Variants in ZNF746 observed in about 807,000 individuals in gnomAD.
ZNF746 encodes the protein zinc finger protein 746, also known as parkin-interacting substrate.
A neutral mutation model predicts 41.0 loss-of-function variants in ZNF746; 13 were observed. The ratio of observed to expected loss-of-function variants is 0.32; its 90% CI spans 0.21 to 0.50. The LOEUF (loss-of-function observed/expected upper bound fraction) is 0.50. ZNF746 is among the 20% of genes least tolerant of loss of function. The pLI, the probability that ZNF746 is intolerant of heterozygous loss-of-function variation, is 0.98. For missense variants in ZNF746, 811 were observed against 922.9 expected (o/e 0.88, Z 1.57); for synonymous variants, 424 against 396.2 (o/e 1.07, Z -0.83).
intron 4 of ZNF746, among the ~76,000 whole-genome samples, chr7:149,478,300 C>A (rs1585723649): frequency 6.6e-6 from 1 of 152,242 alleles, no homozygotes; most frequent in East Asian, 1.9e-4. Flanking sequence ...TGTGGCCGAG[C>A]CGCCTGCCTG....
At chr7:149,476,525 T>C (rs535816731) in intron 6 of ZNF746, among the ~76,000 whole-genome samples, 1 of 152,284 alleles carries the variant, frequency 6.6e-6, no homozygotes, top group East Asian at 1.9e-4. Context: ...GTGGTTCTTC[T>C]GAAATCGGCC....
Position 149,474,858 on chromosome 7 carries a change from A to G in ZNF746, c.1509T>C (p.Gly503=), listed in dbSNP as rs775436237. ...CGCCGCCGCCACTGCCGCTGCCGCCACCGCCTGTGCCCGGGCCCGACCCGT... is the reference window on the plus strand; with the variant it reads ...CGCCGCCGCCACTGCCGCTGCCGCCGCCGCCTGTGCCCGGGCCCGACCCGT... The part of the protein sequence containing the change: ...APDGSGPGTG[G]GGSGSGGGGG... The change falls in exon 7 of 7, where the codon GGT becomes GGC. Residue 503 remains glycine, a synonymous_variant. Transcript: ENST00000458143. This position sits in a 1 kb window ranked among gnomAD's most constrained non-coding sequence, Gnocchi z 6.3. 232 of 1,457,146 alleles carry G rather than the reference A, an allele frequency of 1.6e-4. No homozygotes were observed. The highest frequency in any genetic ancestry group is 3.5e-5 in the Non-Finnish European group (39 of 1,112,084). 90.3% of individuals were successfully genotyped at this position (1,457,146 alleles called of 1,614,324 possible).
intron 4 of ZNF746, among the ~76,000 whole-genome samples, chr7:149,486,872 G>C (rs761624323): frequency 6.6e-6 from 1 of 152,164 alleles, no homozygotes; most frequent in Non-Finnish European, 1.5e-5. Context: ...AATGTCACAC[G>C]AATTTTGTTC....
rs1800262084 is a variant in ZNF746, at chr7:149,475,356, A to G, written c.1011T>C (p.Pro337=). 2 of 1,614,088 alleles carry G rather than the reference A, an allele frequency of 1.2e-6. No homozygotes were observed. Among genetic ancestry groups the G allele is most frequent in the East Asian group, 2.2e-5 (1 of 44,854 alleles). The change falls in exon 7 of 7, where the codon CCT becomes CCC. Residue 337 remains proline, a synonymous_variant. Transcript: ENST00000458143. ...CCCAGGCTCCTTCCTGGGCAGGACTAGGGAAGAACCGTGTGGCTTGGCCTG... is the reference window on the plus strand; with the variant it reads ...CCCAGGCTCCTTCCTGGGCAGGACTGGGGAAGAACCGTGTGGCTTGGCCTG... ...FGPGQATRFF[P]SPAQEGAWES...
At position 149,474,744 on chromosome 7, in the gene ZNF746, G is replaced by T; in HGVS notation, c.1623C>A (p.Leu541=). Residue 541 remains leucine, a synonymous_variant, in exon 7 of 7, where the codon CTC becomes CTA. Transcript: ENST00000458143. This position sits in a 1 kb window ranked among gnomAD's most constrained non-coding sequence, Gnocchi z 6.3. ...CGRCFTRPAH[L]IRHRMLHTGE... ...CGGTGTGCAGCATGCGATGGCGGAT[G>T]AGGTGCGCGGGGCGCGTGAAGCAAC... The T allele has an allele frequency of 6.2e-7, 1 of 1,605,082 alleles. No individual in the cohort carries two copies.
At chr7:149,479,798 G>A (rs1413540728) in intron 4 of ZNF746, among the ~76,000 whole-genome samples, 1 of 152,076 alleles carries the variant, frequency 6.6e-6, no homozygotes, top group Non-Finnish European at 1.5e-5. Flanking sequence ...AGTCTGGGAG[G>A]CTGAGGTGGG....
rs1801029392 is a variant in ZNF746 at position 149,497,153 on chromosome 7, G to A, written c.24+360C>T. 1 of 985,282 alleles carries A rather than the reference G, an allele frequency of 1.0e-6. No individual in the cohort carries two copies. Among genetic ancestry groups the A allele is most frequent in the African/African-American group, 1.7e-5 (1 of 57,234 alleles). 61.0% of individuals were successfully genotyped at this position (985,282 alleles called of 1,614,324 possible). On this transcript the variant is annotated intron_variant, in intron 1 of 6. Transcript: ENST00000458143. This position sits in a 1 kb window ranked among gnomAD's most constrained non-coding sequence, Gnocchi z 4.2. ...CAGGCCGCTGCGGGGGAGATGGAGAGGGACCTACAGGCCGAGCGCCAGGCA... is the reference window on the plus strand; with the variant it reads ...CAGGCCGCTGCGGGGGAGATGGAGAAGGACCTACAGGCCGAGCGCCAGGCA...
At chr7:149,493,068 T>G in intron 3 of ZNF746, 96 bp from the exon 4 acceptor site, 14 of 829,046 alleles carry the variant, frequency 1.7e-5, no homozygotes, top group Non-Finnish European at 2.5e-5. Flanking sequence ...ATGAAATCTC[T>G]TGATTGTCAC....
intron 5 of ZNF746, 110 bp downstream of exon 5, chr7:149,477,454 A>C: frequency 7.9e-7 from 1 of 1,271,082 alleles, no homozygotes; most frequent in Non-Finnish European, 1.1e-6. Context: ...TAAAGTTGTC[A>C]GGCCGGAAGT....
In ZNF746 at chr7:149,475,574, GC is replaced by G. The variant is rs982909782; in HGVS notation, c.884-92del. 5 of 1,519,946 alleles carry G rather than the reference GC, an allele frequency of 3.3e-6. No individual in the cohort carries two copies. The African/African-American group carries it at 6.9e-5, about 21-fold the overall frequency. The allele number at this position is 1,519,946 out of a possible 1,614,324, so 94.2% of individuals were successfully genotyped here. ...CCATCACCTGCTCAGCAGCTGCCTGGCCAGACAAACTCCACCCAGGCCCTCG... is the reference window on the plus strand; with the variant it reads ...CCATCACCTGCTCAGCAGCTGCCTGGCAGACAAACTCCACCCAGGCCCTCG... On this transcript the variant is annotated intron_variant, in intron 6 of 6. Coordinates refer to ENST00000458143, the MANE Select transcript of ZNF746 (RefSeq NM_001394198.1).
chr7:149,490,494 G>C (rs1324115000), intron 4 of ZNF746: 1 of 152,648 alleles, frequency 6.6e-6, no homozygotes, highest in Admixed American at 6.5e-5. Context: ...TGTGTGTAAG[G>C]GGGGACCACA....
intron 4 of ZNF746, chr7:149,492,036 T>C: frequency 1.4e-6 from 1 of 700,474 alleles, no homozygotes; most frequent in Non-Finnish European, 2.6e-6. Context: ...CCAAAGTAGC[T>C]CTACAACTGC....
chr7:149,479,155 A>G (rs1800412307), intron 4 of ZNF746, among the ~76,000 whole-genome samples: 1 of 152,214 alleles, frequency 6.6e-6, no homozygotes, highest in Admixed American at 6.5e-5. Flanking sequence ...GGCATTGTTA[A>G]GTCCACAGTT....
chr7:149,477,139 TC>T (rs1001160563), intron 5 of ZNF746, 92 bp from the exon 6 acceptor site: 1 of 1,444,776 alleles, frequency 6.9e-7, no homozygotes. Flanking sequence ...AACTCTGAGG[TC>T]CCCCCACTGG....
Position 149,474,394 on chromosome 7 carries a change from C to G in ZNF746, c.1973G>C (p.Gly658Ala). 6 of 1,606,004 alleles carry G rather than the reference C, an allele frequency of 3.7e-6. No homozygotes were observed. Among genetic ancestry groups the G allele is most frequent in the Non-Finnish European group, 5.1e-6 (6 of 1,176,690 alleles). Residue 658 changes from glycine (G) to alanine (A), a missense_variant, in exon 7 of 7, where the codon GGG becomes GCG. This residue lies in a region of ZNF746 where 99 missense variants were observed against 80.3 expected (regional missense o/e 1.23). Transcript: ENST00000458143. This position sits in a 1 kb window ranked among gnomAD's most constrained non-coding sequence, Gnocchi z 6.3. ...TGGGGCTGGAGGCGCTCACATGTCC[C>G]CGCCATCGGTGGGTCCCAGGACGCT... is the stretch of plus-strand genomic sequence containing the variant. ...GLSVLGPTDG[G>A]DM is the part of the protein sequence containing the mutation.
At chr7:149,496,788 C>T (rs1349580197) in intron 1 of ZNF746, 18 of 985,006 alleles carry the variant, frequency 1.8e-5, no homozygotes, top group Non-Finnish European at 4.8e-6. Flanking sequence ...CAAGCTTCCA[C>T]CTGGGCGCCA....
chr7:149,491,981 T>C (rs1419633634), intron 4 of ZNF746: 16 of 702,878 alleles, frequency 2.3e-5, no homozygotes, highest in Non-Finnish European at 3.9e-5. Flanking sequence ...CTTAAATAAA[T>C]GTGTGCTTCT....
At chr7:149,475,813 T>G (rs1287058982) in intron 6 of ZNF746, among the ~76,000 whole-genome samples, 2 of 152,210 alleles carry the variant, frequency 1.3e-5, no homozygotes, top group Non-Finnish European at 2.9e-5. Context: ...CCCACCACAG[T>G]GCAGGGAATG....
In ZNF746 at chr7:149,494,602, A is replaced by G. The variant is rs1332273298; in HGVS notation, c.25-99T>C. 11 of 1,408,568 alleles carry G rather than the reference A, an allele frequency of 7.8e-6. No homozygotes were observed. Among genetic ancestry groups the G allele is most frequent in the African/African-American group, 1.4e-5 (1 of 69,800 alleles). The allele number at this position is 1,408,568 out of a possible 1,614,324, so 87.3% of individuals were successfully genotyped here. On this transcript the variant is annotated intron_variant, in intron 1 of 6. Coordinates refer to ENST00000458143, the MANE Select transcript of ZNF746 (RefSeq NM_001394198.1). The surrounding 1 kb of genome is among the most constrained non-coding windows in gnomAD (Gnocchi z 5.6). ...CACGGGGGAGTTGGGCTGGGAGTCCATATGTGTGGACAAGTGGGGCTATCC... is the reference window on the plus strand; with the variant it reads ...CACGGGGGAGTTGGGCTGGGAGTCCGTATGTGTGGACAAGTGGGGCTATCC...
Sources: allele counts gnomAD v4.1 joint callset (sites outside exome capture counted in the v4.1 genomes callset), GRCh38; gene constraint gnomAD v4.1.1; regional missense constraint gnomAD v4.1.1; non-coding constraint Gnocchi (gnomAD v3.1); transcripts MANE v1.5; gene names NCBI Gene and HGNC (gene_info 2026-07-23, HGNC 2026-07-21).